The following SMARCAL1 variants were observed in gnomAD, a reference collection of about 807,000 sequenced individuals.
SMARCAL1 encodes SNF2 related chromatin remodeling annealing helicase 1.
In SMARCAL1, 58 loss-of-function variants were observed where a neutral mutation model predicts 94.5. The ratio of observed to expected loss-of-function variants is 0.61; its 90% CI spans 0.50 to 0.76. SMARCAL1 has a LOEUF of 0.76. SMARCAL1 is among the 30% of genes least tolerant of loss of function. SMARCAL1 has a pLI of 0.00. For missense variants in SMARCAL1, 1,051 were observed against 1,177.9 expected (o/e 0.89, Z 1.58); for synonymous variants, 422 against 455.1 (o/e 0.93, Z 0.93).
intron 11 of SMARCAL1, among the ~76,000 whole-genome samples, chr2:216,450,281 T>C (rs952801372): frequency 6.6e-5 from 10 of 152,232 alleles, no homozygotes; most frequent in Admixed American, 5.2e-4. Context: ...GAAGCCTATG[T>C]GGTGGGCTCC....
intron 12 of SMARCAL1, among the ~76,000 whole-genome samples, chr2:216,452,534 G>A (rs1452752290): frequency 6.6e-6 from 1 of 151,942 alleles, no homozygotes; most frequent in Non-Finnish European, 1.5e-5. Context: ...TGAGATGGAA[G>A]TAAGTCTGTT....
At chr2:216,451,904 T>C (rs185741214) in intron 12 of SMARCAL1, among the ~76,000 whole-genome samples, 1 of 152,348 alleles carries the variant, frequency 6.6e-6, no homozygotes, top group Admixed American at 6.5e-5. Context: ...GATATTACCC[T>C]GTATAAAGAT....
chr2:216,432,605 G>A (rs1693988699), intron 7 of SMARCAL1, 113 bp from the exon 8 acceptor site: 1 of 1,283,066 alleles, frequency 7.8e-7, no homozygotes, highest in Non-Finnish European at 1.1e-6. Context: ...GGTGGGCTGG[G>A]CCCGGGCTGG....
In SMARCAL1 at chr2:216,482,858, G is replaced by C. The variant is rs773697223; in HGVS notation, c.2746G>C (p.Gly916Arg). The C allele has an allele frequency of 6.2e-7, 1 of 1,614,182 alleles. No individual in the cohort carries two copies. The highest frequency in any genetic ancestry group is 2.2e-5 in the East Asian group (1 of 44,884). The change falls in exon 18 of 18, where the codon GGA (glycine) becomes CGA (arginine). Residue 916 changes from glycine to arginine, a missense_variant. Physicochemically the swap from Gly to Arg is moderately radical, Grantham distance 125 (BLOSUM62 -2). Transcript: ENST00000357276. The surrounding 1 kb of genome is among the most constrained non-coding windows in gnomAD (Gnocchi z 4.3). ...CCCAGGAAGTGCTTCAGGAACATCT[G>C]GAAGTAGTTCCCAGAACATGGGAGA... ...FDPGSASGTS[G>R]SSSQNMGDTL...
At chr2:216,420,245 C>A in intron 4 of SMARCAL1, 54 bp from the exon 5 acceptor site, 1 of 1,430,268 alleles carries the variant, frequency 7.0e-7, no homozygotes, top group Non-Finnish European at 9.7e-7. Flanking sequence ...TATTTCAAAG[C>A]CACATCATAG....
intron 12 of SMARCAL1, among the ~76,000 whole-genome samples, chr2:216,462,454 G>A (rs1694725206): frequency 1.3e-5 from 2 of 152,136 alleles, no homozygotes; most frequent in Non-Finnish European, 2.9e-5. Context: ...GCCTGCTCCT[G>A]GGGACCGTTA....
chr2:216,462,916 A>G (rs893733065), intron 12 of SMARCAL1, among the ~76,000 whole-genome samples: 1 of 152,058 alleles, frequency 6.6e-6, no homozygotes, highest in Non-Finnish European at 1.5e-5. Flanking sequence ...CTTGAGCCCA[A>G]GACGCTGAGG....
chr2:216,432,625 T>G, intron 7 of SMARCAL1, 93 bp from the exon 8 acceptor site: 6 of 1,494,302 alleles, frequency 4.0e-6, no homozygotes, highest in Non-Finnish European at 5.6e-6. Flanking sequence ...GCCAGTGAAG[T>G]GGCCTTCACC....
chr2:216,482,620 G>A lies in SMARCAL1; in HGVS notation c.2626-118G>A. On this transcript the variant is annotated intron_variant, in intron 17 of 17. Transcript: ENST00000357276. The surrounding 1 kb of genome is among the most constrained non-coding windows in gnomAD (Gnocchi z 4.3). ...CACACTTGCCATCGTGTAGCTCCCT[G>A]ACACCATGAAATGTGTGGTCTCTCA... 1 of 1,423,676 alleles carries A rather than the reference G, an allele frequency of 7.0e-7. No homozygotes were observed. Among genetic ancestry groups the A allele is most frequent in the African/African-American group, 1.4e-5 (1 of 71,268 alleles). 88.2% of individuals were successfully genotyped at this position (1,423,676 alleles called of 1,614,324 possible).
intron 3 of SMARCAL1, 123 bp from the exon 4 acceptor site, chr2:216,416,133 GT>G: frequency 1.3e-6 from 1 of 795,052 alleles, no homozygotes. Context: ...TTATAGATCA[GT>G]GGGGGCTTGC....
In SMARCAL1 at chr2:216,464,640, C is replaced by T. The variant is rs200644381; in HGVS notation, c.2114C>T (p.Thr705Ile). ...GCCCTCATTCTCTTCTTCAACAGAA[C>T]AGCTGAAGCTAAAATCCCATCTGTC... is the stretch of plus-strand genomic sequence containing the variant. ...KDALILFFNR[T>I]AEAKIPSVIE... Residue 705 changes from threonine to isoleucine, a missense_variant, in exon 13 of 18, where the codon ACA (threonine) becomes ATA (isoleucine). Around this residue, in one of 3 missense-constraint regions of SMARCAL1, gnomAD observed 642 missense variants for 754.7 expected, o/e 0.85. Coordinates refer to ENST00000357276, the MANE Select transcript of SMARCAL1 (RefSeq NM_014140.4). 366 of 1,612,590 alleles carry T rather than the reference C, an allele frequency of 2.3e-4. No homozygotes were observed. The highest frequency in any genetic ancestry group is 2.8e-4 in the Non-Finnish European group (332 of 1,179,416).
At chr2:216,433,641 C>T (rs1694012863) in intron 8 of SMARCAL1, among the ~76,000 whole-genome samples, 1 of 152,074 alleles carries the variant, frequency 6.6e-6, no homozygotes, top group African/African-American at 2.4e-5. Flanking sequence ...CTTTATGGAT[C>T]CAGAGCCTGA....
chr2:216,421,803 G>C (rs192483493), intron 5 of SMARCAL1, among the ~76,000 whole-genome samples: 252 of 152,254 alleles, frequency 1.7e-3, no homozygotes, highest in Non-Finnish European at 2.7e-3. Flanking sequence ...AAAACCTCAT[G>C]CCTTTGAGAC....
At position 216,450,695 on chromosome 2, in the gene SMARCAL1, T is replaced by A. The variant is rs1329766918; in HGVS notation, c.1852-151T>A. The A allele has an allele frequency of 1.1e-5, 7 of 626,446 alleles. No individual in the cohort carries two copies. In the African/African-American group the frequency reaches 1.3e-4, roughly 12 times the overall value. The allele number at this position is 626,446 out of a possible 1,614,324, so 38.8% of individuals were successfully genotyped here. A position where few individuals can be genotyped will look rare whatever the true frequency, so the allele number is the denominator to read the frequency against. Reference sequence around the variant, plus strand: ...CCTTTCCATTTCTCATTTGTTTTATTGGGGGTTTATTTGTCCCTGTAAGTC... The same window carrying A: ...CCTTTCCATTTCTCATTTGTTTTATAGGGGGTTTATTTGTCCCTGTAAGTC... On this transcript the variant is annotated intron_variant, in intron 11 of 17. Transcript: ENST00000357276.
At chr2:216,420,934 C>T (rs1038409577) in intron 5 of SMARCAL1, among the ~76,000 whole-genome samples, 1 of 152,188 alleles carries the variant, frequency 6.6e-6, no homozygotes, top group Non-Finnish European at 1.5e-5. Context: ...AGGGAACTGC[C>T]TGCAGGGGTT....
At chr2:216,476,572 C>T (rs1055318145) in intron 15 of SMARCAL1, among the ~76,000 whole-genome samples, 11 of 152,196 alleles carry the variant, frequency 7.2e-5, no homozygotes, top group Admixed American at 5.2e-4. Context: ...CTCAGCCTCC[C>T]AAAGTGCTGG....
intron 12 of SMARCAL1, among the ~76,000 whole-genome samples, chr2:216,452,980 TA>T (rs1217780631): frequency 1.3e-5 from 2 of 152,198 alleles, no homozygotes; most frequent in Non-Finnish European, 2.9e-5. Context: ...TTTTTGAGGA[TA>T]TTTTTATATT....
chr2:216,431,454 T>A (rs1302681938), intron 7 of SMARCAL1, among the ~76,000 whole-genome samples: 1 of 152,254 alleles, frequency 6.6e-6, no homozygotes, highest in Non-Finnish European at 1.5e-5. Context: ...CACTGTTTCA[T>A]CATGCGACAC....
chr2:216,460,039 A>G (rs149939688), intron 12 of SMARCAL1, among the ~76,000 whole-genome samples: 9,921 of 152,292 alleles, frequency 0.065, 541 homozygotes, highest in African/African-American at 0.15. Flanking sequence ...ATGAACAGAC[A>G]CTTCTCAAAA....
Sources: gnomAD v4.1 joint callset for allele counts (sites outside exome capture counted in the v4.1 genomes callset) on GRCh38, gnomAD v4.1.1 for gene constraint, gnomAD v4.1.1 regional missense constraint, Gnocchi (gnomAD v3.1) non-coding constraint, MANE v1.5 for transcripts, NCBI Gene and HGNC (gene_info 2026-07-23, HGNC 2026-07-21) for gene names.